Variants in RABGAP1 observed in about 807,000 individuals in gnomAD.
The protein encoded by RABGAP1 is RAB GTPase activating protein 1, also known as rab GTPase-activating protein 1.
RABGAP1 carries 23 observed loss-of-function variants against 137.6 expected under a neutral mutation model. The ratio of observed to expected loss-of-function variants is 0.17; its 90% CI spans 0.12 to 0.24. RABGAP1 has a LOEUF of 0.24. Among genes scored for constraint, RABGAP1 ranks in the 10% least tolerant of loss-of-function variants. The pLI, the probability that RABGAP1 is intolerant of heterozygous loss-of-function variation, is 1.00. For synonymous variants in RABGAP1, 451 were observed against 450.7 expected, an observed-to-expected ratio of 1.00 and a Z score of -0.01; for missense variants, 906 against 1,275.8, an observed-to-expected ratio of 0.71 and a Z score of 4.42.
At chr9:123,006,900 C>T (rs919909640) in intron 10 of RABGAP1, among the ~76,000 whole-genome samples, 1 of 152,062 alleles carries the variant, frequency 6.6e-6, no homozygotes, top group Non-Finnish European at 1.5e-5. Context: ...TGAGCCACTG[C>T]ACCTGACAAT....
intron 13 of RABGAP1, among the ~76,000 whole-genome samples, chr9:123,026,903 A>G (rs2032001909): frequency 6.6e-6 from 1 of 152,212 alleles, no homozygotes; most frequent in African/African-American, 2.4e-5. Flanking sequence ...GATCATTTTA[A>G]TAACGAGAGA....
rs372719327 is a variant in RABGAP1, at chr9:123,065,339, T to G, written c.1795-9T>G. On this transcript the variant is annotated splice_polypyrimidine_tract_variant and intron_variant, in intron 13 of 25. Coordinates refer to ENST00000373647, the MANE Select transcript of RABGAP1 (RefSeq NM_012197.4). ...TAACTAAACCCTCTCTTTCCTTATG[T>G]TTCCACAGGAGTCTCCCCAGGACAG... 8.7e-5 allele frequency: 137 copies of G among 1,575,550 alleles called. 1 individual carries two copies. The highest frequency in any genetic ancestry group is 8.7e-5 in the Non-Finnish European group (100 of 1,150,382).
At chr9:122,960,528 A>G (rs974537851) in intron 2 of RABGAP1, among the ~76,000 whole-genome samples, 4 of 152,220 alleles carry the variant, frequency 2.6e-5, no homozygotes, top group South Asian at 2.1e-4. Flanking sequence ...AACAAGCATC[A>G]ACAATAACAA....
chr9:123,050,903 C>T (rs1323575212), intron 13 of RABGAP1, among the ~76,000 whole-genome samples: 1 of 151,976 alleles, frequency 6.6e-6, no homozygotes, highest in Admixed American at 6.5e-5. Context: ...GGTAGATGTC[C>T]TCACCACCAT....
intron 1 of RABGAP1, among the ~76,000 whole-genome samples, chr9:122,954,431 A>G (rs1189299741): frequency 6.6e-6 from 1 of 152,242 alleles, no homozygotes; most frequent in Non-Finnish European, 1.5e-5. Flanking sequence ...ATAATAAAGT[A>G]TTTTATAAAG....
chr9:123,087,177 G>A (rs2034892976), intron 19 of RABGAP1, among the ~76,000 whole-genome samples: 1 of 152,176 alleles, frequency 6.6e-6, no homozygotes, highest in African/African-American at 2.4e-5. Flanking sequence ...GGGTGAGGCA[G>A]CTATAATAAG....
chr9:122,944,613 C>T (rs1414066056), intron 1 of RABGAP1, among the ~76,000 whole-genome samples: 1 of 152,080 alleles, frequency 6.6e-6, no homozygotes, highest in African/African-American at 2.4e-5. Flanking sequence ...TGCATCCTCC[C>T]AGGCTGGAGT....
chr9:122,986,376 G>A lies in RABGAP1; in HGVS notation c.547G>A (p.Asp183Asn). The change falls in exon 4 of 26, where the codon GAT becomes AAT. Residue 183 changes from aspartate (D) to asparagine (N), a missense_variant. Transcript: ENST00000373647. ...AAGAAGCCAGTGTCAGATTTCACTAGATGTTACCCTTTCAGTGCCGAATGT... is the reference window on the plus strand; with the variant it reads ...AAGAAGCCAGTGTCAGATTTCACTAAATGTTACCCTTTCAGTGCCGAATGT... ...ILRSQCQISL[D>N]VTLSVPNVSE... The A allele has an allele frequency of 6.2e-7, 1 of 1,614,162 alleles. No individual in the cohort carries two copies. Among genetic ancestry groups the A allele is most frequent in the Non-Finnish European group, 8.5e-7 (1 of 1,180,012 alleles).
chr9:123,047,771 A>C (rs1041916742), intron 13 of RABGAP1, among the ~76,000 whole-genome samples: 4 of 152,104 alleles, frequency 2.6e-5, no homozygotes, highest in African/African-American at 9.7e-5. Flanking sequence ...ATGGGTGTGA[A>C]TGCAGACCTC....
intron 1 of RABGAP1, among the ~76,000 whole-genome samples, chr9:122,949,713 GAA>G (rs1204451702): frequency 7.6e-6 from 1 of 132,296 alleles, no homozygotes; most frequent in African/African-American, 3.1e-5. Context: ...AAAAAAAAAG[GAA>G]AAAAAAAAAG....
chr9:123,002,881 G>A (rs1319657067), intron 10 of RABGAP1, among the ~76,000 whole-genome samples: 2 of 152,048 alleles, frequency 1.3e-5, no homozygotes, highest in African/African-American at 2.4e-5. Context: ...AACTTAAGCC[G>A]AGTTTTCACT....
intron 19 of RABGAP1, among the ~76,000 whole-genome samples, chr9:123,085,997 T>C (rs2034854361): frequency 6.6e-6 from 1 of 152,196 alleles, no homozygotes; most frequent in African/African-American, 2.4e-5. Flanking sequence ...GGAGATACAA[T>C]AGTAAGCATA....
chr9:122,976,656 T>G (rs1035255836), intron 2 of RABGAP1, among the ~76,000 whole-genome samples: 9 of 152,208 alleles, frequency 5.9e-5, no homozygotes, highest in African/African-American at 1.9e-4. Context: ...AAATATGTAT[T>G]TCAGGTGTAT....
At chr9:123,007,812 C>T (rs2131863837) in intron 10 of RABGAP1, among the ~76,000 whole-genome samples, 1 of 149,868 alleles carries the variant, frequency 6.7e-6, no homozygotes, top group South Asian at 2.1e-4. Flanking sequence ...TCAAGTCTAC[C>T]CTTTTTTGTC....
chr9:122,984,685 A>G lies in RABGAP1; in HGVS notation c.351A>G (p.Pro117=), dbSNP rs1228013190. The G allele has an allele frequency of 2.5e-6, 4 of 1,614,066 alleles. No individual in the cohort carries two copies. Among genetic ancestry groups the G allele is most frequent in the Non-Finnish European group, 3.4e-6 (4 of 1,179,998 alleles). ...TGCCATTAGTAGGGCTCCAAAAACC[A>G]GAGATGAGCCTACCAGTGAAACCTG... ...NPVPLVGLQK[P]EMSLPVKPGQ... is the part of the protein sequence containing the mutation. Residue 117 remains proline, a synonymous_variant, in exon 3 of 26, where the codon CCA becomes CCG. Transcript: ENST00000373647.
intron 13 of RABGAP1, chr9:123,062,183 G>C (rs1261721287): frequency 6.6e-6 from 1 of 152,266 alleles, no homozygotes; most frequent in East Asian, 1.9e-4. Flanking sequence ...CAGGAGAATC[G>C]CTTGAATCAG....
intron 6 of RABGAP1, among the ~76,000 whole-genome samples, chr9:122,991,793 A>G (rs1836737960): frequency 6.6e-6 from 1 of 150,968 alleles, no homozygotes. Context: ...TTTTCTAGAG[A>G]TGGGGTCTTG....
At chr9:122,967,999 A>G (rs1835260740) in intron 2 of RABGAP1, among the ~76,000 whole-genome samples, 1 of 152,092 alleles carries the variant, frequency 6.6e-6, no homozygotes. Context: ...AAGTGCTGGC[A>G]TTACAGGTGT....
chr9:122,957,020 A>T lies in RABGAP1; in HGVS notation c.-40A>T. 2 of 1,407,628 alleles carry T rather than the reference A, an allele frequency of 1.4e-6. No homozygotes were observed. The highest frequency in any genetic ancestry group is 1.9e-6 in the Non-Finnish European group (2 of 1,062,824). The allele number at this position is 1,407,628 out of a possible 1,614,324, so 87.2% of individuals were successfully genotyped here. A position where few individuals can be genotyped will look rare whatever the true frequency, so the allele number is the denominator to read the frequency against. ...GGTTTTTGTTTTTCAGGCATTAAAA[A>T]ATATTTAATCATTCATGTGTTGAGA... is the stretch of plus-strand genomic sequence containing the variant. On this transcript the variant is annotated 5_prime_UTR_variant, in exon 2 of 26. Transcript: ENST00000373647.
Sources: allele counts gnomAD v4.1 joint callset (sites outside exome capture counted in the v4.1 genomes callset), GRCh38; gene constraint gnomAD v4.1.1; transcripts MANE v1.5; gene names NCBI Gene and HGNC (gene_info 2026-07-23, HGNC 2026-07-21).